Variants in PMVK observed in about 807,000 individuals in gnomAD.
The protein encoded by PMVK is testis tissue sperm-binding protein Li 95mP.
PMVK carries 10 observed loss-of-function variants against 19.0 expected under a neutral mutation model. The observed-to-expected ratio is 0.53, with a 90% CI of 0.32 to 0.89. PMVK has a LOEUF of 0.89. Ranked by LOEUF, PMVK falls within the 40% of genes least tolerant of loss-of-function variation. The pLI is 0.03. For missense variants in PMVK, 222 were observed against 251.1 expected, an observed-to-expected ratio of 0.88 and a Z score of 0.78; for synonymous variants, 108 against 101.6, an observed-to-expected ratio of 1.06 and a Z score of -0.38.
upstream of PMVK, among the ~76,000 whole-genome samples, chr1:154,939,620 C>G (rs1654599825): frequency 6.6e-6 from 1 of 151,030 alleles, no homozygotes; most frequent in Non-Finnish European, 1.5e-5. Context: ...ATGGCGTGAA[C>G]CCAGGAGGTG....
In PMVK at chr1:154,925,017, G is replaced by C; in HGVS notation, c.*112C>G. 2.7e-5 allele frequency: 22 copies of C among 823,802 alleles called. No homozygotes were observed. The highest frequency in any genetic ancestry group is 1.5e-4 in the South Asian group (6 of 39,414). 51.0% of individuals were successfully genotyped at this position (823,802 alleles called of 1,614,324 possible). A position where few individuals can be genotyped will look rare whatever the true frequency, so the allele number is the denominator to read the frequency against. ...TATCCACCAACCCCCTCAGAATCTAGACCCCCCCTGTCTGTTCCTCACCTC... is the reference window on the plus strand; with the variant it reads ...TATCCACCAACCCCCTCAGAATCTACACCCCCCCTGTCTGTTCCTCACCTC... On this transcript the variant is annotated 3_prime_UTR_variant, in exon 5 of 5. Coordinates refer to ENST00000368467, the MANE Select transcript of PMVK (RefSeq NM_006556.4).
chr1:154,929,594 GCCCCCAT>G (rs1303780431), intron 2 of PMVK, among the ~76,000 whole-genome samples: 1 of 151,954 alleles, frequency 6.6e-6, no homozygotes, highest in Non-Finnish European at 1.5e-5. Context: ...AGCATTGTTT[GCCCCCAT>G]CCCAAATCCC....
In PMVK at chr1:154,929,048, C is replaced by T. The variant is rs776238217; in HGVS notation, c.288G>A (p.Val96=). ...CCCAGATGGGCTGGGAGATGCCCTC[C>T]ACAATCTTCCTGCAAAAGAAGCCTG... ...ADPGFFCRKI[V]EGISQPIWLV... is the part of the protein sequence containing the mutation. The change falls in exon 3 of 5, where the codon GTG becomes GTA. Residue 96 remains valine, a synonymous_variant. Coordinates refer to ENST00000368467, the MANE Select transcript of PMVK (RefSeq NM_006556.4). 7 of 1,614,072 alleles carry T rather than the reference C, an allele frequency of 4.3e-6. No homozygotes were observed. In the African/African-American group the frequency reaches 8.0e-5, roughly 18 times the overall value.
chr1:154,936,665 G>A lies in PMVK; in HGVS notation c.21C>T (p.Ala7=), dbSNP rs769937538. MAPLGG[A]PRLVLLFSGK... Reference sequence around the variant, plus strand: ...CGCTGAACAGCAGTACCAGCCGCGGGGCGCCTCCCAGCGGGGCCATGGGGC... The same window carrying A: ...CGCTGAACAGCAGTACCAGCCGCGGAGCGCCTCCCAGCGGGGCCATGGGGC... Residue 7 remains alanine, a synonymous_variant, in exon 1 of 5, where the codon GCC becomes GCT. Transcript: ENST00000368467. 3.5e-5 allele frequency: 57 copies of A among 1,608,208 alleles called. No homozygotes were observed. The Middle Eastern group carries it at 9.9e-4, about 28-fold the overall frequency.
intron 1 of PMVK, among the ~76,000 whole-genome samples, chr1:154,936,220 C>T (rs1654499539): frequency 6.6e-6 from 1 of 151,894 alleles, no homozygotes; most frequent in South Asian, 2.1e-4. Flanking sequence ...TAGCTGGGAC[C>T]ACAGGCACGC....
chr1:154,934,095 G>A (rs1331406315), intron 1 of PMVK, among the ~76,000 whole-genome samples: 2 of 152,118 alleles, frequency 1.3e-5, no homozygotes, highest in Non-Finnish European at 2.9e-5. Context: ...CACCTCCTGG[G>A]TTTAAGCTAT....
At chr1:154,928,408 C>T (rs957314408) in intron 3 of PMVK, among the ~76,000 whole-genome samples, 4 of 152,178 alleles carry the variant, frequency 2.6e-5, no homozygotes, top group African/African-American at 9.7e-5. Context: ...TCATTTTGTT[C>T]ATGAGCACAA....
Position 154,936,626 on chromosome 1 carries a change from G to C in PMVK, c.60C>G (p.Ser20=), listed in dbSNP as rs545863134. The C allele has an allele frequency of 6.2e-6, 10 of 1,609,204 alleles. No homozygotes were observed. The highest frequency in any genetic ancestry group is 8.5e-6 in the Non-Finnish European group (10 of 1,178,188). ...LVLLFSGKRK[S]GKDFVTEALQ... ...GCGCCTCGGTCACGAAGTCCTTCCC[G>C]GATTTCCTCTTGCCGCTGAACAGCA... Residue 20 remains serine (S), a synonymous_variant, in exon 1 of 5, where the codon TCC becomes TCG. Coordinates refer to ENST00000368467, the MANE Select transcript of PMVK (RefSeq NM_006556.4).
At chr1:154,942,165 C>T in the PMVK span, among the ~76,000 whole-genome samples, 3 of 152,144 alleles carry the variant, frequency 2.0e-5, no homozygotes, top group South Asian at 2.1e-4. Context: ...GAGCTCCCAG[C>T]GGAAAAGGCA....
At chr1:154,933,033 C>T (rs1281143307) in intron 1 of PMVK, among the ~76,000 whole-genome samples, 1 of 152,160 alleles carries the variant, frequency 6.6e-6, no homozygotes, top group Non-Finnish European at 1.5e-5. Flanking sequence ...TTCCTGAGCC[C>T]AGGAGTTCCA....
chr1:154,927,448 CAAAAAAAAAAAAAAAAAA>C (rs59872946), intron 3 of PMVK, among the ~76,000 whole-genome samples: 7 of 35,546 alleles, frequency 2.0e-4, no homozygotes, highest in African/African-American at 2.5e-4. Flanking sequence ...GACTCTGTCT[CAAAAAAAAAAAAAAAAAA>C]AAAAAAAAAA....
chr1:154,936,694 C>A lies in PMVK; in HGVS notation c.-9G>T. On this transcript the variant is annotated 5_prime_UTR_variant, in exon 1 of 5. Coordinates refer to ENST00000368467, the MANE Select transcript of PMVK (RefSeq NM_006556.4). ...CCTCCCAGCGGGGCCATGGGGCCGC[C>A]ACGCCTCGCGATGCCTGAAGCTGAC... is the stretch of plus-strand genomic sequence containing the variant. The A allele has an allele frequency of 2.5e-6, 4 of 1,596,546 alleles. No individual in the cohort carries two copies. The highest frequency in any genetic ancestry group is 3.4e-6 in the Non-Finnish European group (4 of 1,171,674).
chr1:154,926,441 G>C lies in PMVK; in HGVS notation c.355C>G (p.Arg119Gly). ...TGCGTCACGGCCCCATAGGCCTCCC[G>C]AAACCACTGGATGTCAGACACTCTC... ...TRRVSDIQWF[R>G]EAYGAVTQTV... The change falls in exon 4 of 5, where the codon CGG becomes GGG. Residue 119 changes from arginine (R) to glycine (G), a missense_variant. Coordinates refer to ENST00000368467, the MANE Select transcript of PMVK (RefSeq NM_006556.4). 1 of 1,613,810 alleles carries C rather than the reference G, an allele frequency of 6.2e-7. No homozygotes were observed. The highest frequency in any genetic ancestry group is 8.5e-7 in the Non-Finnish European group (1 of 1,179,886).
At chr1:154,927,828 A>G (rs1352529183) in intron 3 of PMVK, among the ~76,000 whole-genome samples, 1 of 152,100 alleles carries the variant, frequency 6.6e-6, no homozygotes, top group East Asian at 1.9e-4. Flanking sequence ...TCATCATATC[A>G]GTGTAGCCTT....
intron 1 of PMVK, among the ~76,000 whole-genome samples, chr1:154,934,262 G>C (rs1483490238): frequency 6.6e-6 from 1 of 152,210 alleles, no homozygotes; most frequent in Non-Finnish European, 1.5e-5. Context: ...GCCTCTCAAA[G>C]TGCTAGGATT....
At chr1:154,925,882 T>C (rs915183744) in intron 4 of PMVK, among the ~76,000 whole-genome samples, 8 of 152,204 alleles carry the variant, frequency 5.3e-5, no homozygotes, top group African/African-American at 1.2e-4. Context: ...GTCATACCCA[T>C]TGGATCTGAA....
upstream of PMVK, chr1:154,936,744 G>A: frequency 8.4e-6 from 12 of 1,432,528 alleles, no homozygotes; most frequent in South Asian, 1.5e-4. Context: ...CTAAAATCGG[G>A]ACACCGCGCG....
chr1:154,931,018 G>A (rs546120856), intron 2 of PMVK, among the ~76,000 whole-genome samples: 26 of 152,226 alleles, frequency 1.7e-4, no homozygotes, highest in African/African-American at 6.0e-4. Context: ...GAGCCCAGGA[G>A]GTCAAGGCTG....
upstream of PMVK, chr1:154,936,755 G>T: frequency 7.5e-7 from 1 of 1,334,760 alleles, no homozygotes; most frequent in Non-Finnish European, 1.0e-6. Context: ...ACACCGCGCG[G>T]AATGGACGCG....
Sources: allele counts gnomAD v4.1 joint callset (sites outside exome capture counted in the v4.1 genomes callset), GRCh38; gene constraint gnomAD v4.1.1; transcripts MANE v1.5; gene names NCBI Gene and HGNC (gene_info 2026-07-23, HGNC 2026-07-21).